Variants in PLXNA4 observed in about 807,000 individuals in gnomAD.
PLXNA4 encodes plexin-A4.
A neutral mutation model predicts 191.8 loss-of-function variants in PLXNA4; 44 were observed. That is an observed-to-expected ratio of 0.23 (90% CI 0.18 to 0.29). The LOEUF is 0.29. Among genes scored for constraint, PLXNA4 ranks in the 10% least tolerant of loss-of-function variants. The pLI is 1.00. For missense variants in PLXNA4, 1,800 were observed against 2,488.8 expected (o/e 0.72, Z 5.89); for synonymous variants, 1,082 against 1,009.5 (o/e 1.07, Z -1.36).
intron 4 of PLXNA4, among the ~76,000 whole-genome samples, chr7:132,294,102 T>C (rs961340014): frequency 3.3e-5 from 5 of 152,110 alleles, no homozygotes; most frequent in African/African-American, 1.2e-4. Context: ...ATATAGCAAA[T>C]AAGAAGAGAC....
intron 3 of PLXNA4, among the ~76,000 whole-genome samples, chr7:132,312,061 T>G (rs1378932589): frequency 6.6e-6 from 1 of 151,408 alleles, no homozygotes; most frequent in African/African-American, 2.4e-5. Context: ...CGCCCTCAGT[T>G]GAGGGGCCTA....
At chr7:132,133,320 T>C in intron 30 of PLXNA4, 121 bp from the exon 31 acceptor site, 1 of 1,489,170 alleles carries the variant, frequency 6.7e-7, no homozygotes, top group Non-Finnish European at 9.0e-7. Flanking sequence ...TAGTGGGTAC[T>C]TGTGCTGTGG....
chr7:132,250,520 T>C (rs1193057856), intron 4 of PLXNA4, among the ~76,000 whole-genome samples: 1 of 152,192 alleles, frequency 6.6e-6, no homozygotes, highest in Non-Finnish European at 1.5e-5. Flanking sequence ...AAAGGTTAAA[T>C]CCTCTCCTTT....
intron 29 of PLXNA4, among the ~76,000 whole-genome samples, chr7:132,143,159 C>A (rs1400969296): frequency 6.6e-6 from 1 of 152,178 alleles, no homozygotes; most frequent in Non-Finnish European, 1.5e-5. Flanking sequence ...AAAATAATCA[C>A]TTTTCCATCA....
intron 3 of PLXNA4, among the ~76,000 whole-genome samples, chr7:132,354,843 AG>A (rs1172880751): frequency 4.6e-5 from 7 of 152,250 alleles, no homozygotes; most frequent in Admixed American, 1.3e-4. Context: ...GAAAATGTGG[AG>A]AAGGTGCCTG....
rs1562908739 is a variant in PLXNA4, at chr7:132,188,989, GAA to G, written c.2857-1384_2857-1383del. Among the ~76,000 whole-genome samples, 16 of 48,318 alleles carry G rather than the reference GAA, an allele frequency of 3.3e-4. No homozygotes were observed. In the South Asian group the frequency reaches 0.014, roughly 43 times the overall value. The allele number at this position is 48,318 out of a possible 152,430, so 31.7% of individuals were successfully genotyped here. A position where few individuals can be genotyped will look rare whatever the true frequency, so the allele number is the denominator to read the frequency against. ...GAAAGGAAAGGAAAGGAAAGGAAAG[GAA>G]AGGAGAGAGAGAGAGAGAGAGAGAG... On this transcript the variant is annotated intron_variant, in intron 14 of 31. Coordinates refer to ENST00000321063, the MANE Select transcript of PLXNA4 (RefSeq NM_020911.2).
rs181725425 is a variant in PLXNA4 at position 132,123,877 on chromosome 7, G to A, written c.*6602C>T. 1 of 152,334 alleles carries A rather than the reference G, an allele frequency of 6.6e-6. No individual in the cohort carries two copies. Among genetic ancestry groups the A allele is most frequent in the Admixed American group, 6.5e-5 (1 of 15,282 alleles). 9.4% of individuals were successfully genotyped at this position (152,334 alleles called of 1,614,324 possible). On this transcript the variant is annotated 3_prime_UTR_variant, in exon 32 of 32. Transcript: ENST00000321063. ...CTCTAGCATTTGAAGCTCAACTCTGGGTCCTCTGGCTGGGCCAAAACCCCT... is the reference window on the plus strand; with the variant it reads ...CTCTAGCATTTGAAGCTCAACTCTGAGTCCTCTGGCTGGGCCAAAACCCCT...
At chr7:132,437,686 C>A (rs190301295) in intron 3 of PLXNA4, among the ~76,000 whole-genome samples, 19 of 152,236 alleles carry the variant, frequency 1.2e-4, no homozygotes, top group African/African-American at 4.3e-4. Context: ...GTGAAACTCT[C>A]CTTTGTTTCT....
chr7:132,323,179 C>T (rs1342348507), intron 3 of PLXNA4, among the ~76,000 whole-genome samples: 1 of 152,200 alleles, frequency 6.6e-6, no homozygotes, highest in Non-Finnish European at 1.5e-5. Flanking sequence ...GCCCTCTCCC[C>T]ACCACCAGGC....
chr7:132,164,321 T>A, intron 23 of PLXNA4, 33 bp from the exon 24 acceptor site: 1 of 1,610,776 alleles, frequency 6.2e-7, no homozygotes, highest in Admixed American at 1.7e-5. Context: ...TAGGAGGAGC[T>A]CTTGGAACAC....
At chr7:132,511,713 T>C (rs946948555) in intron 1 of PLXNA4, among the ~76,000 whole-genome samples, 1 of 152,214 alleles carries the variant, frequency 6.6e-6, no homozygotes, top group East Asian at 1.9e-4. Context: ...ATTAGGATTA[T>C]GATAATGAGA....
intron 2 of PLXNA4, among the ~76,000 whole-genome samples, chr7:132,605,406 C>G (rs1354359442): frequency 6.6e-6 from 1 of 152,010 alleles, no homozygotes; most frequent in Non-Finnish European, 1.5e-5. Flanking sequence ...ATCTTTGTCC[C>G]CAGGATTTGG....
intron 2 of PLXNA4, among the ~76,000 whole-genome samples, chr7:132,497,122 G>GCACACA (rs34913954): frequency 0.02 from 3,009 of 150,188 alleles, 48 homozygotes; most frequent in East Asian, 0.054. Context: ...GTGCACGCAC[G>GCACACA]CACACACACA....
chr7:132,494,756 C>T (rs1238189362), intron 2 of PLXNA4, among the ~76,000 whole-genome samples: 3 of 152,194 alleles, frequency 2.0e-5, no homozygotes, highest in Non-Finnish European at 4.4e-5. Flanking sequence ...AGGGAAATTG[C>T]TCCCACTCTG....
chr7:132,359,447 C>T (rs923558142), intron 3 of PLXNA4, among the ~76,000 whole-genome samples: 1 of 151,988 alleles, frequency 6.6e-6, no homozygotes, highest in East Asian at 1.9e-4. Flanking sequence ...TAACTCCTGA[C>T]CTCAAGTGAT....
intron 4 of PLXNA4, among the ~76,000 whole-genome samples, chr7:132,250,204 A>C (rs1347062659): frequency 2.0e-5 from 3 of 152,188 alleles, no homozygotes; most frequent in Non-Finnish European, 4.4e-5. Context: ...TGAATGTATT[A>C]GTGTTATGCT....
At chr7:132,361,738 CT>C (rs1803950799) in intron 3 of PLXNA4, among the ~76,000 whole-genome samples, 1 of 152,128 alleles carries the variant, frequency 6.6e-6, no homozygotes, top group Non-Finnish European at 1.5e-5. Context: ...ATCAAAGCCA[CT>C]GAAAGGAAGA....
chr7:132,473,023 T>G (rs569002157), intron 3 of PLXNA4, among the ~76,000 whole-genome samples: 1 of 152,290 alleles, frequency 6.6e-6, no homozygotes, highest in Admixed American at 6.5e-5. Context: ...CACATCAGGA[T>G]GTTACGTGGC....
upstream of PLXNA4, among the ~76,000 whole-genome samples, chr7:132,577,623 G>A (rs1349198131): frequency 6.6e-6 from 1 of 152,110 alleles, no homozygotes; most frequent in East Asian, 1.9e-4. Context: ...ACCCCCCTGG[G>A]TCCCCTCGGC....
Sources: allele counts gnomAD v4.1 joint callset (sites outside exome capture counted in the v4.1 genomes callset), GRCh38; gene constraint gnomAD v4.1.1; transcripts MANE v1.5; gene names NCBI Gene and HGNC (gene_info 2026-07-23, HGNC 2026-07-21).